The following ARHGAP12 variants were observed in gnomAD, a reference collection of about 807,000 sequenced individuals.
ARHGAP12 encodes rho GTPase-activating protein 12.
ARHGAP12 carries 64 observed loss-of-function variants against 108.6 expected under a neutral mutation model. That is an observed-to-expected ratio of 0.59 (90% confidence interval 0.48 to 0.73). The LOEUF is 0.73. Among genes scored for constraint, ARHGAP12 ranks in the 30% least tolerant of loss-of-function variants. The probability of loss-of-function intolerance (pLI) is 0.00; values close to 1 mark genes in which losing one functional copy is unlikely to be tolerated. For synonymous variants in ARHGAP12, 312 were observed against 337.2 expected (o/e 0.93, Z 0.82); for missense variants, 940 against 1,005.9 (o/e 0.93, Z 0.89).
chr10:31,856,625 T>A (rs867509094), intron 4 of ARHGAP12, among the ~76,000 whole-genome samples: 33 of 152,330 alleles, frequency 2.2e-4, no homozygotes, highest in African/African-American at 7.2e-4. Flanking sequence ...GATGTACTTT[T>A]AAATATTCAT....
chr10:31,831,612 G>T, intron 10 of ARHGAP12, 127 bp downstream of exon 10: 1 of 563,816 alleles, frequency 1.8e-6, no homozygotes, highest in Non-Finnish European at 2.9e-6. Flanking sequence ...TTACATATAT[G>T]ATTACATAGA....
chr10:31,868,245 A>C (rs1401196786), intron 3 of ARHGAP12, among the ~76,000 whole-genome samples: 1 of 152,192 alleles, frequency 6.6e-6, no homozygotes, highest in Admixed American at 6.5e-5. Context: ...CAGGAAAAAA[A>C]AAAGTATAAG....
At chr10:31,862,705 GACACACACACAC>G (rs559731195) in intron 3 of ARHGAP12, among the ~76,000 whole-genome samples, 8,868 of 133,062 alleles carry the variant, frequency 0.067, 301 homozygotes, top group Middle Eastern at 0.1. Flanking sequence ...TGCACACACA[GACACACACACAC>G]ACACACACAC....
chr10:31,877,295 T>C (rs905613156), intron 3 of ARHGAP12, among the ~76,000 whole-genome samples: 2 of 152,194 alleles, frequency 1.3e-5, no homozygotes, highest in African/African-American at 4.8e-5. Context: ...TCATACTCTG[T>C]TTTAGTAAAT....
intron 2 of ARHGAP12, 134 bp downstream of exon 2, chr10:31,910,391 C>T (rs2132462333): frequency 6.6e-6 from 1 of 152,292 alleles, no homozygotes; most frequent in African/African-American, 2.4e-5. Flanking sequence ...TTCTCTATGA[C>T]AGATAACGCC....
intron 3 of ARHGAP12, among the ~76,000 whole-genome samples, chr10:31,883,651 A>G (rs1248733255): frequency 1.3e-5 from 2 of 151,992 alleles, no homozygotes; most frequent in Non-Finnish European, 2.9e-5. Flanking sequence ...GGTTTTCACA[A>G]CTTGAAACTG....
intron 3 of ARHGAP12, among the ~76,000 whole-genome samples, chr10:31,894,126 C>G (rs1838575589): frequency 6.6e-6 from 1 of 152,264 alleles, no homozygotes; most frequent in South Asian, 2.1e-4. Flanking sequence ...CTATGACAAA[C>G]CCACAGCCAA....
chr10:31,893,270 C>T (rs1174708633), intron 3 of ARHGAP12, among the ~76,000 whole-genome samples: 4 of 151,968 alleles, frequency 2.6e-5, no homozygotes, highest in Non-Finnish European at 5.9e-5. Context: ...CTGAAGGAGA[C>T]AGAGACACAA....
At chr10:31,831,027 T>C (rs1835813756) in intron 10 of ARHGAP12, among the ~76,000 whole-genome samples, 1 of 152,192 alleles carries the variant, frequency 6.6e-6, no homozygotes, top group South Asian at 2.1e-4. Context: ...TTTTGTAAAA[T>C]TTATTTTATG....
At chr10:31,843,315 G>T in intron 7 of ARHGAP12, 146 bp downstream of exon 7, 1 of 828,688 alleles carries the variant, frequency 1.2e-6, no homozygotes, top group Non-Finnish European at 1.8e-6. Flanking sequence ...CAACATACAT[G>T]CAGATCAAAA....
intron 3 of ARHGAP12, among the ~76,000 whole-genome samples, chr10:31,882,757 G>T (rs1318369681): frequency 2.0e-5 from 3 of 149,974 alleles, no homozygotes; most frequent in Non-Finnish European, 4.4e-5. Context: ...AAGCTGCAGT[G>T]AGCTGAGATC....
At chr10:31,861,318 CTATT>C (rs1837103635) in intron 4 of ARHGAP12, 73 bp downstream of exon 4, 6 of 1,487,650 alleles carry the variant, frequency 4.0e-6, no homozygotes, top group Middle Eastern at 4.0e-4. Context: ...AGAAACAAAA[CTATT>C]TACTTCTTTG....
At chr10:31,810,930 T>C (rs946175125) in intron 15 of ARHGAP12, among the ~76,000 whole-genome samples, 183 bp from the exon 16 acceptor site, 1 of 152,208 alleles carries the variant, frequency 6.6e-6, no homozygotes, top group African/African-American at 2.4e-5. Flanking sequence ...GTTTCCAAAC[T>C]CATACAAACC....
rs537954137 is a variant in ARHGAP12, at chr10:31,858,608, T to C, written c.948+2787A>G. ...CTAGAGATCAGTAGCACGTCTCCCA[T>C]TGTGACAACCAAAACAAGTCTTCGG... On this transcript the variant is annotated intron_variant, in intron 4 of 19. Coordinates refer to ENST00000344936, the MANE Select transcript of ARHGAP12 (RefSeq NM_018287.7). Among the ~76,000 whole-genome samples the C allele has an allele frequency of 2.0e-5, 3 of 152,208 alleles. No individual in the cohort carries two copies. The East Asian group carries it at 5.8e-4, about 29-fold the overall frequency.
At chr10:31,839,262 G>A (rs564255924) in intron 9 of ARHGAP12, 43 bp downstream of exon 9, 1 of 1,568,152 alleles carries the variant, frequency 6.4e-7, no homozygotes, top group East Asian at 2.3e-5. Flanking sequence ...CATAGAAAAT[G>A]AAGGTGTCTA....
intron 3 of ARHGAP12, among the ~76,000 whole-genome samples, chr10:31,881,870 G>A (rs1031026811): frequency 6.7e-6 from 1 of 150,006 alleles, no homozygotes; most frequent in African/African-American, 2.5e-5. Flanking sequence ...AGAAATAAGT[G>A]TTTCAAATTT....
At chr10:31,826,245 GT>G in intron 11 of ARHGAP12, 58 bp downstream of exon 11, 1 of 1,359,936 alleles carries the variant, frequency 7.4e-7, no homozygotes, top group South Asian at 1.3e-5. Flanking sequence ...TGAAATTCAG[GT>G]ACGATACTAT....
chr10:31,925,896 A>G (rs1840014840), intron 1 of ARHGAP12, among the ~76,000 whole-genome samples: 1 of 152,236 alleles, frequency 6.6e-6, no homozygotes, highest in African/African-American at 2.4e-5. Flanking sequence ...TCTCATTAAT[A>G]ATTTTCCTAT....
Position 31,805,563 on chromosome 10 carries a change from G to A in ARHGAP12, c.*2095C>T, listed in dbSNP as rs1365178273. The A allele has an allele frequency of 1.3e-5, 2 of 150,902 alleles. No homozygotes were observed. Among genetic ancestry groups the A allele is most frequent in the African/African-American group, 4.9e-5 (2 of 40,892 alleles). 9.3% of individuals were successfully genotyped at this position (150,902 alleles called of 1,614,324 possible). ...AAGTGAGAATTTTTAATTCACAAAG[G>A]ATGAAAACGCAAGACATTAATCTCA... On this transcript the variant is annotated 3_prime_UTR_variant, in exon 20 of 20. Transcript: ENST00000344936.
Sources: allele counts gnomAD v4.1 joint callset (sites outside exome capture counted in the v4.1 genomes callset), GRCh38; gene constraint gnomAD v4.1.1; transcripts MANE v1.5; gene names NCBI Gene and HGNC (gene_info 2026-07-23, HGNC 2026-07-21).